CGGBP1: variants seen among roughly 807,000 people sequenced by gnomAD.
CGGBP1 encodes the protein CGG triplet repeat-binding protein 1.
A neutral mutation model predicts 11.4 loss-of-function variants in CGGBP1; 4 were observed. The observed-to-expected ratio is 0.35, with a 90% confidence interval of 0.17 to 0.80. CGGBP1 has a LOEUF of 0.80. CGGBP1 is among the 30% of genes least tolerant of loss of function. The pLI is 0.52. For missense variants in CGGBP1, 135 were observed against 202.1 expected (o/e 0.67, Z 2.01); for synonymous variants, 76 against 74.1 (o/e 1.03, Z -0.13).
upstream of CGGBP1, chr3:88,059,260 A>T (rs1417273819): frequency 6.5e-7 from 1 of 1,531,114 alleles, no homozygotes; most frequent in Non-Finnish European, 8.7e-7. Flanking sequence ...AGGTTAGCCT[A>T]GGCATCTACG....
chr3:88,111,092 T>A (rs1236457750), intron 2 of CGGBP1, among the ~76,000 whole-genome samples: 3 of 152,014 alleles, frequency 2.0e-5, no homozygotes, highest in African/African-American at 7.2e-5. Flanking sequence ...GTGTTGAACA[T>A]GGATTTTGAG....
chr3:88,149,777 C>T, exon 1 of CGGBP1: 2 of 307,572 alleles, frequency 6.5e-6, no homozygotes, highest in South Asian at 4.2e-5. Context: ...AACCAGCTCC[C>T]TTGCGGATAG....
intron 2 of CGGBP1, among the ~76,000 whole-genome samples, chr3:88,087,354 C>A (rs532964009): frequency 6.6e-6 from 1 of 152,146 alleles, no homozygotes; most frequent in South Asian, 2.1e-4. Context: ...GGATTACAGG[C>A]GTGAGCTACC....
intron 2 of CGGBP1, chr3:88,138,816 T>A (rs1026571475): frequency 8.1e-7 from 1 of 1,231,940 alleles, no homozygotes; most frequent in Non-Finnish European, 1.0e-6. Flanking sequence ...AATTGCACAT[T>A]TTTTGCCAAA....
intron 2 of CGGBP1, among the ~76,000 whole-genome samples, chr3:88,075,932 A>C (rs190782665): frequency 4.3e-4 from 66 of 152,300 alleles, no homozygotes; most frequent in African/African-American, 1.5e-3. Context: ...CATCAAACCC[A>C]AGACTGACCT....
intron 1 of CGGBP1, among the ~76,000 whole-genome samples, chr3:88,146,319 C>T (rs1046038444): frequency 6.6e-6 from 1 of 152,126 alleles, no homozygotes; most frequent in African/African-American, 2.4e-5. Context: ...ATTTATAGAA[C>T]CCTCTCAAAA....
rs755189178 is a variant in CGGBP1, at chr3:88,055,938, G to A, written c.39C>T (p.Asn13=). ...RFVVTAPPAR[N]RSKTALYVTP... ...TCACATACAAAGCAGTCTTAGAACG[G>A]TTTCGAGCAGGTGGTGCTGTTACTA... The change falls in exon 4 of 4, where the codon AAC becomes AAT. Residue 13 remains asparagine (N), a synonymous_variant. Coordinates refer to ENST00000482016, the MANE Select transcript of CGGBP1 (RefSeq NM_001008390.2). The surrounding 1 kb of genome is among the most constrained non-coding windows in gnomAD (Gnocchi z 4.2). 5 of 1,613,702 alleles carry A rather than the reference G, an allele frequency of 3.1e-6. No homozygotes were observed. Among genetic ancestry groups the A allele is most frequent in the Non-Finnish European group, 4.2e-6 (5 of 1,179,722 alleles).
At chr3:88,140,350 C>T in intron 2 of CGGBP1, 2 of 1,613,344 alleles carry the variant, frequency 1.2e-6, no homozygotes, top group Non-Finnish European at 1.7e-6. Context: ...GACTCAAATC[C>T]TAATCAGGAA....
chr3:88,138,504 C>T (rs189616637), intron 2 of CGGBP1, among the ~76,000 whole-genome samples: 1 of 151,982 alleles, frequency 6.6e-6, no homozygotes, highest in Admixed American at 6.5e-5. Flanking sequence ...GCTATCTATT[C>T]CAGATTATTT....
chr3:88,124,135 G>A (rs1017881230), intron 2 of CGGBP1, among the ~76,000 whole-genome samples: 5 of 152,146 alleles, frequency 3.3e-5, no homozygotes, highest in Non-Finnish European at 7.3e-5. Context: ...TAAAATACTA[G>A]AAGAAATAAT....
At chr3:88,074,900 A>G (rs1198167801) in intron 2 of CGGBP1, among the ~76,000 whole-genome samples, 3 of 152,150 alleles carry the variant, frequency 2.0e-5, no homozygotes, top group Non-Finnish European at 4.4e-5. Flanking sequence ...GCCAACTGCC[A>G]GTGTCCATAA....
chr3:88,149,628 G>C (rs867139038), intron 1 of CGGBP1: 1 of 155,672 alleles, frequency 6.4e-6, no homozygotes, highest in African/African-American at 2.4e-5. Context: ...CCAGCGGGCG[G>C]GGAGGAGCCG....
At chr3:88,062,026 G>T (rs113702445), upstream of CGGBP1, among the ~76,000 whole-genome samples, 1,048 of 152,278 alleles carry the variant, frequency 6.9e-3, 8 homozygotes, top group Middle Eastern at 0.02. Context: ...CTTTTCCAGA[G>T]GGGTTTTTGT....
chr3:88,149,451 C>T (rs976436703), intron 1 of CGGBP1, among the ~76,000 whole-genome samples: 1 of 152,246 alleles, frequency 6.6e-6, no homozygotes, highest in Non-Finnish European at 1.5e-5. Flanking sequence ...GAGGAAAGTC[C>T]GCTGGAAGGC....
intron 1 of CGGBP1, 143 bp downstream of exon 1, chr3:88,058,672 A>G (rs944933105): frequency 8.5e-5 from 13 of 152,218 alleles, no homozygotes; most frequent in African/African-American, 3.1e-4. Context: ...GCCGCTGTCA[A>G]GCTTCCCGTC....
chr3:88,125,807 TTA>T (rs907980769), intron 2 of CGGBP1, among the ~76,000 whole-genome samples: 3 of 152,144 alleles, frequency 2.0e-5, no homozygotes, highest in African/African-American at 7.2e-5. Flanking sequence ...TTATGAACCT[TTA>T]TATAAATTTA....
intron 2 of CGGBP1, among the ~76,000 whole-genome samples, chr3:88,068,398 A>C (rs1707321676): frequency 6.6e-6 from 1 of 152,164 alleles, no homozygotes; most frequent in African/African-American, 2.4e-5. Flanking sequence ...GTATCAGTAC[A>C]TATTAATAGA....
chr3:88,142,535 C>CTGTTT (rs932406600), intron 1 of CGGBP1: 14 of 152,270 alleles, frequency 9.2e-5, no homozygotes, highest in African/African-American at 3.4e-4. Context: ...TGGGATACTT[C>CTGTTT]TGTTTGTGTA....
At chr3:88,084,725 A>G (rs747846442) in intron 2 of CGGBP1, among the ~76,000 whole-genome samples, 3 of 152,086 alleles carry the variant, frequency 2.0e-5, no homozygotes. Flanking sequence ...ATTACACGAA[A>G]CTCTTGAGTC....
Sources: gnomAD v4.1 joint callset for allele counts (sites outside exome capture counted in the v4.1 genomes callset) on GRCh38, gnomAD v4.1.1 for gene constraint, Gnocchi (gnomAD v3.1) non-coding constraint, MANE v1.5 for transcripts, NCBI Gene and HGNC (gene_info 2026-07-23, HGNC 2026-07-21) for gene names.